The following PCBP3 variants were observed in gnomAD, a reference collection of about 807,000 sequenced individuals.
The protein encoded by PCBP3 is poly(rC)-binding protein 3.
In PCBP3, 25 loss-of-function variants were observed where a neutral mutation model predicts 52.7. That is an observed-to-expected ratio of 0.47 (90% CI 0.35 to 0.66). The LOEUF (loss-of-function observed/expected upper bound fraction) is 0.66. Ranked by LOEUF, PCBP3 falls within the 30% of genes least tolerant of loss-of-function variation. The probability of loss-of-function intolerance (pLI) is 0.01; values close to 1 mark genes in which losing one functional copy is unlikely to be tolerated. For missense variants in PCBP3, 391 were observed against 490.3 expected (o/e 0.80, Z 1.91); for synonymous variants, 162 against 183.0 (o/e 0.89, Z 0.93).
intron 1 of PCBP3, among the ~76,000 whole-genome samples, chr21:45,649,607 C>G (rs1338779275): frequency 6.6e-6 from 1 of 152,124 alleles, no homozygotes; most frequent in Non-Finnish European, 1.5e-5. Context: ...TTTCTGGTTG[C>G]TTCATGTACC....
chr21:45,687,786 A>G (rs1603263267), intron 2 of PCBP3, among the ~76,000 whole-genome samples: 1 of 151,096 alleles, frequency 6.6e-6, no homozygotes, highest in Non-Finnish European at 1.5e-5. Flanking sequence ...CTGGAGTTGC[A>G]GTGGCATGAT....
chr21:45,922,391 A>C (rs2074566182), intron 13 of PCBP3, among the ~76,000 whole-genome samples: 1 of 152,092 alleles, frequency 6.6e-6, no homozygotes, highest in Admixed American at 6.6e-5. Context: ...CCATTTCTAC[A>C]AAAAAATACA....
chr21:45,808,791 A>G (rs1035654474), intron 4 of PCBP3, among the ~76,000 whole-genome samples: 2 of 152,148 alleles, frequency 1.3e-5, no homozygotes, highest in African/African-American at 4.8e-5. Flanking sequence ...AACCAACCCA[A>G]ATTTCCACCA....
intron 1 of PCBP3, among the ~76,000 whole-genome samples, chr21:45,650,147 T>C (rs1306082737): frequency 6.6e-6 from 1 of 151,068 alleles, no homozygotes; most frequent in Non-Finnish European, 1.5e-5. Flanking sequence ...GGAAATATAG[T>C]GAGACCCCAT....
chr21:45,878,360 A>G (rs140342709), intron 5 of PCBP3, among the ~76,000 whole-genome samples: 2 of 152,366 alleles, frequency 1.3e-5, no homozygotes, highest in South Asian at 2.1e-4. Context: ...ATGCAAGTGC[A>G]GTAAGTTTCT....
intron 1 of PCBP3, among the ~76,000 whole-genome samples, chr21:45,664,410 C>T (rs1350329610): frequency 1.4e-5 from 2 of 147,758 alleles, no homozygotes; most frequent in East Asian, 3.9e-4. Context: ...CAATTGAAAG[C>T]AAAGAGAATT....
chr21:45,717,862 T>C (rs2084332397), intron 2 of PCBP3, among the ~76,000 whole-genome samples: 1 of 152,228 alleles, frequency 6.6e-6, no homozygotes, highest in Admixed American at 6.5e-5. Context: ...TTGGGAAGTA[T>C]CCTTTTCTTG....
chr21:45,936,011 T>C (rs1475032039), intron 16 of PCBP3, among the ~76,000 whole-genome samples: 4 of 152,210 alleles, frequency 2.6e-5, no homozygotes, highest in African/African-American at 9.7e-5. Flanking sequence ...GTGTGGGCTG[T>C]GGAGGTGGCT....
At chr21:45,867,506 C>T (rs535284653) in intron 5 of PCBP3, among the ~76,000 whole-genome samples, 138 of 152,372 alleles carry the variant, frequency 9.1e-4, no homozygotes, top group Non-Finnish European at 1.3e-3. Flanking sequence ...GCGGAGGGTG[C>T]GGGCCGTGAA....
At chr21:45,906,373 G>A (rs551488645) in intron 9 of PCBP3, among the ~76,000 whole-genome samples, 25 of 151,186 alleles carry the variant, frequency 1.7e-4, no homozygotes, top group Non-Finnish European at 2.7e-4. Context: ...CTGGGGTCAG[G>A]TCAGGAAGGC....
intron 4 of PCBP3, among the ~76,000 whole-genome samples, chr21:45,846,262 G>A (rs2093809441): frequency 6.6e-6 from 1 of 152,150 alleles, no homozygotes; most frequent in Non-Finnish European, 1.5e-5. Context: ...CCCCTTAGGT[G>A]TTTCTAAAAT....
Position 45,802,612 on chromosome 21 carries a change from C to T in PCBP3, c.-126+47160C>T, listed in dbSNP as rs1183181346. On this transcript the variant is annotated intron_variant, in intron 4 of 17. Transcript: ENST00000681687. The surrounding 1 kb of genome is among the most constrained non-coding windows in gnomAD (Gnocchi z 5.1). ...AGGCTGACGGAGGAGGAGGACCGGG[C>T]TGGGGGAGGATGGTGGGGCTCTAAG... is the stretch of plus-strand genomic sequence containing the variant. 6.6e-6 allele frequency among the ~76,000 whole-genome samples: 1 copy of T among 152,002 alleles called. No homozygotes were observed. The highest frequency in any genetic ancestry group is 1.5e-5 in the Non-Finnish European group (1 of 67,976).
intron 2 of PCBP3, among the ~76,000 whole-genome samples, chr21:45,733,479 G>C (rs1300187738): frequency 2.0e-5 from 3 of 152,056 alleles, no homozygotes; most frequent in Admixed American, 6.5e-5. Flanking sequence ...TTTTGGTACA[G>C]ACGGGGTTTC....
In PCBP3 at chr21:45,821,565, G is replaced by GC. The variant is rs2093139711; in HGVS notation, c.-125-28391dup. On this transcript the variant is annotated intron_variant, in intron 4 of 17. Transcript: ENST00000681687. The surrounding 1 kb of genome is among the most constrained non-coding windows in gnomAD (Gnocchi z 4.4). ...CTGCCTGCACCCTGCTGTGGGCCCC[G>GC]CCCCCTCCCCTAACTCATTTCTAGA... Among the ~76,000 whole-genome samples, 5 of 146,922 alleles carry GC rather than the reference G, an allele frequency of 3.4e-5. No homozygotes were observed. The South Asian group carries it at 1.1e-3, about 32-fold the overall frequency.
At chr21:45,681,454 A>G (rs889614046) in intron 2 of PCBP3, among the ~76,000 whole-genome samples, 3 of 152,114 alleles carry the variant, frequency 2.0e-5, no homozygotes, top group South Asian at 2.1e-4. Flanking sequence ...CTGACTTAGG[A>G]TGGGGTTACA....
At chr21:45,888,609 G>A (rs2148888819) in intron 5 of PCBP3, among the ~76,000 whole-genome samples, 1 of 152,374 alleles carries the variant, frequency 6.6e-6, no homozygotes, top group South Asian at 2.1e-4. Context: ...TGATACCACA[G>A]GCAGCTTTCC....
chr21:45,734,884 A>G (rs2085743489), intron 2 of PCBP3, among the ~76,000 whole-genome samples: 3 of 152,212 alleles, frequency 2.0e-5, no homozygotes, highest in Admixed American at 2.0e-4. Context: ...CACTGGACAG[A>G]GGCCGGCTGT....
At chr21:45,787,426 TA>T (rs2091240819) in intron 4 of PCBP3, among the ~76,000 whole-genome samples, 1 of 151,664 alleles carries the variant, frequency 6.6e-6, no homozygotes, top group Admixed American at 6.6e-5. Context: ...TTTTTTTTTT[TA>T]AATAGAGACT....
intron 1 of PCBP3, among the ~76,000 whole-genome samples, chr21:45,661,228 T>A (rs2147070528): frequency 6.6e-6 from 1 of 152,226 alleles, no homozygotes; most frequent in East Asian, 1.9e-4. Context: ...GCTGGTGAAG[T>A]CTAGGCTTTT....
Sources: allele counts gnomAD v4.1 joint callset (sites outside exome capture counted in the v4.1 genomes callset), GRCh38; gene constraint gnomAD v4.1.1; non-coding constraint Gnocchi (gnomAD v3.1); transcripts MANE v1.5; gene names NCBI Gene and HGNC (gene_info 2026-07-23, HGNC 2026-07-21).